Variants in FAM110B observed in about 807,000 individuals in gnomAD.
FAM110B encodes the protein protein FAM110B.
In FAM110B, 6 loss-of-function variants were observed where a neutral mutation model predicts 20.4. The ratio of observed to expected loss-of-function variants is 0.29; its 90% CI spans 0.16 to 0.58. The LOEUF is 0.58. Ranked by LOEUF, FAM110B falls within the 20% of genes least tolerant of loss-of-function variation. The probability of loss-of-function intolerance (pLI) is 0.90; values close to 1 mark genes in which losing one functional copy is unlikely to be tolerated. For missense variants in FAM110B, 434 were observed against 498.2 expected (o/e 0.87, Z 1.23); for synonymous variants, 226 against 214.1 (o/e 1.06, Z -0.49).
intron 3 of FAM110B, among the ~76,000 whole-genome samples, chr8:58,138,776 A>G (rs907986399): frequency 2.6e-5 from 4 of 152,180 alleles, no homozygotes; most frequent in Non-Finnish European, 5.9e-5. Context: ...TTAAGTCAAA[A>G]TAACTTTTCC....
intron 1 of FAM110B, among the ~76,000 whole-genome samples, chr8:58,014,410 C>T: frequency 6.6e-6 from 1 of 152,170 alleles, no homozygotes; most frequent in East Asian, 1.9e-4. Context: ...TCGAGATCTG[C>T]ATTTTCGCCA....
At position 58,007,470 on chromosome 8, in the gene FAM110B, C is replaced by T. The variant is rs754364972; in HGVS notation, c.-512+12664C>T. ...TTTTCTTTTTACCATCACTTTTCCACCCCTCCATCCCTCTGCTATGGTCTG... is the reference window on the plus strand; with the variant it reads ...TTTTCTTTTTACCATCACTTTTCCATCCCTCCATCCCTCTGCTATGGTCTG... On this transcript the variant is annotated intron_variant, in intron 1 of 3. Coordinates refer to ENST00000519262, the MANE Select transcript of FAM110B (RefSeq NM_001377989.1). 8.5e-5 allele frequency among the ~76,000 whole-genome samples: 13 copies of T among 152,218 alleles called. 1 individual carries two copies. Among genetic ancestry groups the T allele is most frequent in the Admixed American group, 2.6e-4 (4 of 15,278 alleles).
intron 3 of FAM110B, among the ~76,000 whole-genome samples, chr8:58,112,533 C>T (rs980807863): frequency 3.3e-5 from 5 of 152,198 alleles, no homozygotes; most frequent in African/African-American, 4.8e-5. Flanking sequence ...CATCCTGTAG[C>T]TGAACTTCAC....
At chr8:58,132,121 C>CAAA (rs1803487507) in intron 3 of FAM110B, among the ~76,000 whole-genome samples, 2 of 151,676 alleles carry the variant, frequency 1.3e-5, no homozygotes, top group South Asian at 2.1e-4. Context: ...GAGAATCTCA[C>CAAA]CAAAGAGCTT....
intron 1 of FAM110B, among the ~76,000 whole-genome samples, chr8:58,019,262 C>T (rs1461005570): frequency 2.1e-5 from 3 of 141,504 alleles, no homozygotes; most frequent in Non-Finnish European, 3.0e-5. Flanking sequence ...CTCTTGAACC[C>T]GGGAGGTGGA....
chr8:58,032,227 A>T (rs1400467905), intron 2 of FAM110B: 3 of 152,220 alleles, frequency 2.0e-5, no homozygotes, highest in Non-Finnish European at 4.4e-5. Context: ...TAACTTCCCC[A>T]ATTGGGACTG....
chr8:58,107,172 C>T (rs1806941258), intron 3 of FAM110B, among the ~76,000 whole-genome samples: 1 of 152,008 alleles, frequency 6.6e-6, no homozygotes. Context: ...CAATAGTTTC[C>T]TAGCCTGTTA....
intron 3 of FAM110B, among the ~76,000 whole-genome samples, chr8:58,112,463 C>T (rs1807082814): frequency 6.6e-6 from 1 of 152,250 alleles, no homozygotes; most frequent in South Asian, 2.1e-4. Context: ...CTTCTGAAGT[C>T]TGAGTCATTG....
chr8:58,008,237 A>G (rs1250203801), intron 1 of FAM110B, among the ~76,000 whole-genome samples: 1 of 149,060 alleles, frequency 6.7e-6, no homozygotes, highest in Non-Finnish European at 1.5e-5. Context: ...GGTTCAAGCG[A>G]TTCTCCTGCC....
At chr8:58,070,306 A>G in intron 2 of FAM110B, 1 of 152,232 alleles carries the variant, frequency 6.6e-6, no homozygotes, top group South Asian at 2.1e-4. Flanking sequence ...GCCCGACAGA[A>G]GGCGTTTGTC....
At chr8:58,046,388 C>G (rs1380022970) in intron 2 of FAM110B, among the ~76,000 whole-genome samples, 2 of 152,134 alleles carry the variant, frequency 1.3e-5, no homozygotes, top group African/African-American at 2.4e-5. Context: ...CTGAAGAGTG[C>G]CCATTTCACA....
chr8:58,120,983 C>T (rs1332328244), intron 3 of FAM110B, among the ~76,000 whole-genome samples: 2 of 152,154 alleles, frequency 1.3e-5, no homozygotes, highest in Admixed American at 6.5e-5. Context: ...TTCTTTCAGT[C>T]ATTTAAATAT....
chr8:58,061,022 C>T (rs1199330086), intron 2 of FAM110B, among the ~76,000 whole-genome samples: 2 of 152,122 alleles, frequency 1.3e-5, no homozygotes, highest in Non-Finnish European at 2.9e-5. Flanking sequence ...TGAGAGCACC[C>T]CCTCCCCCAA....
At chr8:58,034,629 C>T (rs1805037131) in intron 2 of FAM110B, among the ~76,000 whole-genome samples, 1 of 152,158 alleles carries the variant, frequency 6.6e-6, no homozygotes, top group African/African-American at 2.4e-5. Context: ...CGATAGTGCC[C>T]AGATCATAGG....
At chr8:58,095,782 C>T (rs1300913692) in intron 3 of FAM110B, among the ~76,000 whole-genome samples, 2 of 152,040 alleles carry the variant, frequency 1.3e-5, no homozygotes, top group African/African-American at 4.8e-5. Flanking sequence ...GAGTTCAAGT[C>T]CTGAATATCC....
intron 2 of FAM110B, among the ~76,000 whole-genome samples, chr8:58,040,067 G>A (rs944914806): frequency 2.0e-5 from 3 of 151,710 alleles, no homozygotes; most frequent in Non-Finnish European, 2.9e-5. Flanking sequence ...ACCCAGGCTG[G>A]CCTTGAACTC....
At chr8:58,087,115 C>T (rs117361803) in intron 3 of FAM110B, among the ~76,000 whole-genome samples, 3,360 of 152,298 alleles carry the variant, frequency 0.022, 60 homozygotes, top group Middle Eastern at 0.041. Flanking sequence ...AAATATTTTC[C>T]TACTATTTAG....
chr8:58,081,793 G>GT (rs113256970), intron 3 of FAM110B, among the ~76,000 whole-genome samples: 1,890 of 148,958 alleles, frequency 0.013, 23 homozygotes, highest in African/African-American at 0.027. Flanking sequence ...AAAGCAATGG[G>GT]TTTTTTTTTT....
chr8:58,107,822 C>A (rs1806958783), intron 3 of FAM110B, among the ~76,000 whole-genome samples: 1 of 152,190 alleles, frequency 6.6e-6, no homozygotes, highest in Admixed American at 6.5e-5. Context: ...GGGCCTCATT[C>A]TGACAGCATG....
Sources: gnomAD v4.1 joint callset for allele counts (sites outside exome capture counted in the v4.1 genomes callset) on GRCh38, gnomAD v4.1.1 for gene constraint, MANE v1.5 for transcripts, NCBI Gene and HGNC (gene_info 2026-07-23, HGNC 2026-07-21) for gene names.